Variants in COL4A6 observed in about 807,000 individuals in gnomAD.
The protein encoded by COL4A6 is collagen alpha-6(IV) chain.
Under a neutral mutation model 126.7 loss-of-function variants are expected in COL4A6, and 59 were observed. The observed-to-expected ratio is 0.47, with a 90% CI of 0.38 to 0.58. The LOEUF (loss-of-function observed/expected upper bound fraction) is 0.58. COL4A6 is among the 20% of genes least tolerant of loss of function. COL4A6 has a pLI of 0.00. For synonymous variants in COL4A6, 547 were observed against 496.6 expected (o/e 1.10, Z -1.35); for missense variants, 1,285 against 1,337.3 (o/e 0.96, Z 0.61).
chrX:108,162,525 TCTAA>T (rs1274186750), intron 41 of COL4A6, among the ~76,000 whole-genome samples: 1 of 110,157 alleles, frequency 9.1e-6, no homozygotes, highest in Non-Finnish European at 1.9e-5. Context: ...CAGAGAGACT[TCTAA>T]CTTACTCCAA....
At chrX:108,396,339 T>A (rs966253519) in intron 2 of COL4A6, among the ~76,000 whole-genome samples, 3 of 111,235 alleles carry the variant, frequency 2.7e-5, no homozygotes, top group African/African-American at 9.8e-5. Context: ...CCCTCCCTTT[T>A]CAAGGCCTCC....
intron 2 of COL4A6, among the ~76,000 whole-genome samples, chrX:108,338,380 A>G (rs1477127771): frequency 2.7e-5 from 3 of 112,052 alleles, no homozygotes; most frequent in Non-Finnish European, 5.7e-5. Flanking sequence ...GATGGAAAAA[A>G]GTAGAGAGGT....
chrX:108,174,573 G>A lies in COL4A6; in HGVS notation c.3005C>T (p.Ala1002Val), dbSNP rs778702939. 1 of 1,201,511 alleles carries A rather than the reference G, an allele frequency of 8.3e-7. No homozygotes were observed. The highest frequency in any genetic ancestry group is 1.8e-5 in the South Asian group (1 of 54,881). Residue 1002 changes from alanine (A) to valine (V), a missense_variant, in exon 31 of 45, where the codon GCT becomes GTT. Transcript: ENST00000334504. ...GRPGPPGLPG[A>V]PGLPGIIKGV... ...TTTGATAATGCCTGGGAGGCCAGGA[G>A]CTCCAGGTAGGCCTGGTGGTCCAGG...
intron 3 of COL4A6, among the ~76,000 whole-genome samples, chrX:108,274,344 T>A (rs992401306): frequency 1.8e-5 from 2 of 111,249 alleles, no homozygotes; most frequent in African/African-American, 6.5e-5. Flanking sequence ...CTAGCTTGAA[T>A]GATTTCAGTG....
chrX:108,218,617 T>C (rs988346670), intron 5 of COL4A6, among the ~76,000 whole-genome samples: 2 of 112,132 alleles, frequency 1.8e-5, no homozygotes, highest in African/African-American at 6.5e-5. Context: ...ATACCCAAGG[T>C]TGAGTGCTAA....
At chrX:108,368,720 T>G (rs759016687) in intron 2 of COL4A6, among the ~76,000 whole-genome samples, 6 of 112,166 alleles carry the variant, frequency 5.3e-5, no homozygotes, top group Non-Finnish European at 1.1e-4. Flanking sequence ...ATTCTATAAG[T>G]TTTTTTATTG....
At chrX:108,283,081 G>A (rs1014731297) in intron 3 of COL4A6, among the ~76,000 whole-genome samples, 5 of 105,645 alleles carry the variant, frequency 4.7e-5, no homozygotes, top group African/African-American at 1.7e-4. Context: ...ACACCAGCAT[G>A]GCACATGTAT....
In COL4A6 at chrX:108,233,148, T is replaced by C. The variant is rs370819069; in HGVS notation, c.145-11774A>G. Reference sequence around the variant, plus strand: ...CAATCTGGAGCCAATCTTTTTCTTTTAGTTTTTCTAGCAAAACACAGCTAT... The same window carrying C: ...CAATCTGGAGCCAATCTTTTTCTTTCAGTTTTTCTAGCAAAACACAGCTAT... On this transcript the variant is annotated intron_variant, in intron 3 of 44. Coordinates refer to ENST00000334504, the MANE Select transcript of COL4A6 (RefSeq NM_033641.4). Among the ~76,000 whole-genome samples, 25 of 112,348 alleles carry C rather than the reference T, an allele frequency of 2.2e-4. No homozygotes were observed. The South Asian group carries it at 7.8e-3, about 35-fold the overall frequency.
At chrX:108,264,728 G>A (rs1241490298) in intron 3 of COL4A6, among the ~76,000 whole-genome samples, 2 of 111,909 alleles carry the variant, frequency 1.8e-5, no homozygotes, top group Admixed American at 9.5e-5. Context: ...ACTGCAGGGA[G>A]ACAGAGTTTT....
chrX:108,437,973 G>T lies in COL4A6; in HGVS notation c.32C>A (p.Thr11Lys). The T allele has an allele frequency of 2.5e-6, 3 of 1,210,870 alleles. No individual in the cohort carries two copies. The highest frequency in any genetic ancestry group is 2.2e-5 in the Admixed American group (1 of 45,974). Residue 11 changes from threonine to lysine, a missense_variant, in exon 2 of 45, where the codon ACG becomes AAG. By Grantham distance (78) the Thr-to-Lys change is moderately conservative. Transcript: ENST00000334504. ...TGCCAGTTCCTCGGTCAGGCACAAC[G>T]TAACCAGGAGCAGCCACAACCTGAA... MHPGLWLLLVTLCLTEELAAA... is the reference protein window; with the variant it reads MHPGLWLLLVKLCLTEELAAA...
intron 2 of COL4A6, among the ~76,000 whole-genome samples, chrX:108,389,207 A>G (rs1029474390): frequency 9.8e-5 from 11 of 111,760 alleles, no homozygotes; most frequent in African/African-American, 3.6e-4. Context: ...TTTGGGGTGG[A>G]GAGTTCTGTA....
intron 13 of COL4A6, among the ~76,000 whole-genome samples, chrX:108,197,498 T>C (rs2035255346): frequency 8.9e-6 from 1 of 112,279 alleles, no homozygotes; most frequent in Non-Finnish European, 1.9e-5. Flanking sequence ...CATCTTGGCT[T>C]ATTATGAAAG....
intron 43 of COL4A6, among the ~76,000 whole-genome samples, chrX:108,160,203 C>T (rs1021923374): frequency 8.0e-5 from 9 of 112,239 alleles, no homozygotes; most frequent in East Asian, 5.6e-4. Context: ...TTTCCACCAG[C>T]GTGTGTGATA....
In COL4A6 at chrX:108,164,656, A is replaced by G. The variant is rs368328222; in HGVS notation, c.4013T>C (p.Val1338Ala). Residue 1338 changes from valine (V) to alanine (A), a missense_variant, in exon 40 of 45, where the codon GTT (valine) becomes GCT (alanine). Coordinates refer to ENST00000334504, the MANE Select transcript of COL4A6 (RefSeq NM_033641.4). ...AAATCCTGGGTCTCCAGGTGGCCCA[A>G]CCTTGCCTGGAGTCCCCATGAAGCC... ...EPGFMGTPGK[V>A]GPPGDPGFPG... The G allele has an allele frequency of 5.8e-6, 7 of 1,209,676 alleles. No homozygotes were observed. In the African/African-American group the frequency reaches 1.2e-4, roughly 21 times the overall value.
At position 108,309,608 on chromosome X, in the gene COL4A6, T is replaced by A. The variant is rs1308797449; in HGVS notation, c.144+1140A>T. Reference sequence around the variant, plus strand: ...ATTTTACTTTACCCCAAATGTAAGATAATGAAAGAGAAGGTGGAACGGTCA... The same window carrying A: ...ATTTTACTTTACCCCAAATGTAAGAAAATGAAAGAGAAGGTGGAACGGTCA... On this transcript the variant is annotated intron_variant, in intron 3 of 44. Transcript: ENST00000334504. 3.6e-4 allele frequency among the ~76,000 whole-genome samples: 40 copies of A among 111,284 alleles called. No homozygotes were observed. In the Admixed American group the frequency reaches 3.8e-3, roughly 11 times the overall value.
chrX:108,400,029 T>C (rs756876306), intron 2 of COL4A6, among the ~76,000 whole-genome samples: 1 of 108,955 alleles, frequency 9.2e-6, no homozygotes, highest in African/African-American at 3.5e-5. Context: ...TCAGACTACA[T>C]GGCTGCCAAT....
intron 3 of COL4A6, among the ~76,000 whole-genome samples, chrX:108,221,605 C>A (rs1029670970): frequency 1.5e-4 from 17 of 112,504 alleles, no homozygotes; most frequent in African/African-American, 4.5e-4. Context: ...TTCATGTGCA[C>A]CAAGATCCTT....
At chrX:108,161,033 A>G (rs1457219524) in intron 42 of COL4A6, among the ~76,000 whole-genome samples, 1 of 111,881 alleles carries the variant, frequency 8.9e-6, no homozygotes, top group African/African-American at 3.3e-5. Flanking sequence ...GGAGATAACT[A>G]TGTAGCTGCT....
chrX:108,342,894 T>C lies in COL4A6; in HGVS notation c.64-32066A>G, dbSNP rs73638804. Among the ~76,000 whole-genome samples, 341 of 109,287 alleles carry C rather than the reference T, an allele frequency of 3.1e-3. 2 individuals are homozygous for C. Among genetic ancestry groups the C allele is most frequent in the African/African-American group, 0.011 (330 of 29,933 alleles). The allele number at this position is 109,287 out of a possible 115,157, so 94.9% of individuals were successfully genotyped here. On this transcript the variant is annotated intron_variant, in intron 2 of 44. Transcript: ENST00000334504. Reference sequence around the variant, plus strand: ...GTATTTGAGAGTGCCTGGTATGTGTTAGACACTGCATTATCTACTGGGGAT... The same window carrying C: ...GTATTTGAGAGTGCCTGGTATGTGTCAGACACTGCATTATCTACTGGGGAT...
Sources: allele counts gnomAD v4.1 joint callset (sites outside exome capture counted in the v4.1 genomes callset), GRCh38; gene constraint gnomAD v4.1.1; transcripts MANE v1.5; gene names NCBI Gene and HGNC (gene_info 2026-07-23, HGNC 2026-07-21).